Variants in UNC13C observed in about 807,000 individuals in gnomAD.
UNC13C encodes the protein unc-13 homolog C.
Under a neutral mutation model 245.4 loss-of-function variants are expected in UNC13C, and 174 were observed. The observed-to-expected ratio is 0.71, with a 90% confidence interval of 0.63 to 0.80. The LOEUF (loss-of-function observed/expected upper bound fraction) is 0.80, where lower values mean the gene tolerates loss of function less well. UNC13C is among the 30% of genes least tolerant of loss of function. The pLI is 0.00. For missense variants in UNC13C, 2,829 were observed against 2,602.9 expected (o/e 1.09, Z -1.89); for synonymous variants, 992 against 895.1 (o/e 1.11, Z -1.93).
intron 2 of UNC13C, among the ~76,000 whole-genome samples, chr15:54,081,752 C>T (rs1186966520): frequency 1.3e-5 from 2 of 152,054 alleles, no homozygotes; most frequent in African/African-American, 2.4e-5. Context: ...ATTTTCCACT[C>T]TATGTCTTTT....
chr15:53,930,357 C>A, the UNC13C span, among the ~76,000 whole-genome samples: 1 of 152,096 alleles, frequency 6.6e-6, no homozygotes, highest in Admixed American at 6.6e-5. Flanking sequence ...AATCACAAGG[C>A]CAGATTCAAA....
intron 19 of UNC13C, among the ~76,000 whole-genome samples, chr15:54,433,697 C>T (rs560371173): frequency 5.3e-4 from 81 of 152,148 alleles, no homozygotes; most frequent in African/African-American, 1.9e-3. Context: ...CCTCTCTCAC[C>T]GCTTTTATTC....
intron 4 of UNC13C, among the ~76,000 whole-genome samples, chr15:54,179,197 A>T (rs2033715664): frequency 6.6e-6 from 1 of 152,220 alleles, no homozygotes; most frequent in Non-Finnish European, 1.5e-5. Flanking sequence ...GGTAAGCTCA[A>T]CCAGATCCTT....
chr15:53,915,206 A>C, the UNC13C span, among the ~76,000 whole-genome samples: 1 of 152,168 alleles, frequency 6.6e-6, no homozygotes, highest in East Asian at 1.9e-4. Flanking sequence ...TAGAAGGTCC[A>C]CTTTTTGTTT....
At chr15:54,349,657 G>A (rs544920139) in intron 17 of UNC13C, among the ~76,000 whole-genome samples, 2 of 152,244 alleles carry the variant, frequency 1.3e-5, no homozygotes, top group South Asian at 4.1e-4. Flanking sequence ...GGTGATATGG[G>A]ACATTGGAAC....
intron 7 of UNC13C, among the ~76,000 whole-genome samples, chr15:54,244,206 G>T (rs367667366): frequency 1.1e-4 from 17 of 152,242 alleles, no homozygotes; most frequent in East Asian, 7.7e-4. Context: ...TGGCTAGCCA[G>T]TTCTCTAGCA....
At chr15:54,451,999 G>A (rs1230120051) in intron 19 of UNC13C, among the ~76,000 whole-genome samples, 1 of 152,172 alleles carries the variant, frequency 6.6e-6, no homozygotes, top group African/African-American at 2.4e-5. Flanking sequence ...ATGCAGTAGT[G>A]TATTATTTGT....
At chr15:53,987,614 A>G (rs1158096230) in intron 1 of UNC13C, among the ~76,000 whole-genome samples, 3 of 152,024 alleles carry the variant, frequency 2.0e-5, no homozygotes, top group African/African-American at 7.2e-5. Flanking sequence ...GTACTTCTGC[A>G]ATTCATTTGC....
At chr15:53,890,533 G>A in the UNC13C span, among the ~76,000 whole-genome samples, 3 of 152,112 alleles carry the variant, frequency 2.0e-5, no homozygotes, top group African/African-American at 4.8e-5. Context: ...TTACTGCCTC[G>A]ATTTCAGAAC....
chr15:53,933,038 A>G, the UNC13C span, among the ~76,000 whole-genome samples: 1 of 152,154 alleles, frequency 6.6e-6, no homozygotes, highest in Non-Finnish European at 1.5e-5. Flanking sequence ...TCTCACTTTG[A>G]TTTCATAAGT....
In UNC13C at chr15:54,045,517, A is replaced by G. The variant is rs973698284; in HGVS notation, c.2983+29631A>G. Among the ~76,000 whole-genome samples the G allele has an allele frequency of 4.6e-5, 7 of 152,142 alleles. No homozygotes were observed. The East Asian group carries it at 1.4e-3, about 29-fold the overall frequency. On this transcript the variant is annotated intron_variant, in intron 2 of 32. Transcript: ENST00000260323. ...AGCACCTGTTCTTAACTGGAGGTGG[A>G]ATTATTACCATGTGTGGTGGGGCCT...
At chr15:53,940,904 A>C in the UNC13C span, among the ~76,000 whole-genome samples, 2 of 152,236 alleles carry the variant, frequency 1.3e-5, no homozygotes, top group African/African-American at 2.4e-5. Flanking sequence ...TAATTTATCA[A>C]TGCTATTCCT....
At chr15:53,964,956 T>A in the UNC13C span, among the ~76,000 whole-genome samples, 2 of 152,158 alleles carry the variant, frequency 1.3e-5, no homozygotes, top group Admixed American at 6.6e-5. Context: ...GATACACATC[T>A]TTTAGGTAAG....
chr15:53,923,824 G>C, the UNC13C span, among the ~76,000 whole-genome samples: 6 of 152,214 alleles, frequency 3.9e-5, no homozygotes, highest in Non-Finnish European at 7.3e-5. Flanking sequence ...TGGATAGATG[G>C]AGCTAGAGTT....
the UNC13C span, among the ~76,000 whole-genome samples, chr15:53,883,784 A>C: frequency 6.6e-6 from 1 of 152,198 alleles, no homozygotes; most frequent in Non-Finnish European, 1.5e-5. Context: ...TACTTTCAAG[A>C]AGTACATAAA....
At chr15:53,900,637 A>G in the UNC13C span, among the ~76,000 whole-genome samples, 2 of 152,202 alleles carry the variant, frequency 1.3e-5, no homozygotes, top group African/African-American at 4.8e-5. Flanking sequence ...CAGTATAAAA[A>G]TAGAGGCCCA....
chr15:54,518,151 G>A (rs1199864213), intron 24 of UNC13C, among the ~76,000 whole-genome samples: 1 of 151,950 alleles, frequency 6.6e-6, no homozygotes, highest in Non-Finnish European at 1.5e-5. Context: ...GAATAATAAG[G>A]GCCAATAAAG....
chr15:54,154,793 A>C (rs1302345700), intron 4 of UNC13C, among the ~76,000 whole-genome samples: 1 of 152,300 alleles, frequency 6.6e-6, no homozygotes, highest in East Asian at 1.9e-4. Context: ...TATTCAAAAG[A>C]TTAGGTTATA....
At chr15:53,851,779 G>A in the UNC13C span, among the ~76,000 whole-genome samples, 4 of 152,138 alleles carry the variant, frequency 2.6e-5, no homozygotes, top group African/African-American at 9.7e-5. Context: ...GTCCAACGAA[G>A]TCTCCATAGA....
Sources: gnomAD v4.1 joint callset for allele counts (sites outside exome capture counted in the v4.1 genomes callset) on GRCh38, gnomAD v4.1.1 for gene constraint, MANE v1.5 for transcripts, NCBI Gene and HGNC (gene_info 2026-07-23, HGNC 2026-07-21) for gene names.